The following GTF2H1 variants were observed in gnomAD, a reference collection of about 807,000 sequenced individuals.
GTF2H1 encodes general transcription factor IIH subunit 1, also known as BTF2 p62.
In GTF2H1, 16 loss-of-function variants were observed where a neutral mutation model predicts 71.2. That is an observed-to-expected ratio of 0.22 (90% CI 0.15 to 0.34). The LOEUF (loss-of-function observed/expected upper bound fraction) is 0.34, where lower values mean the gene tolerates loss of function less well. Among genes scored for constraint, GTF2H1 ranks in the 10% least tolerant of loss-of-function variants. The pLI is 1.00. For synonymous variants in GTF2H1, 215 were observed against 219.0 expected (o/e 0.98, Z 0.16); for missense variants, 498 against 648.2 (o/e 0.77, Z 2.52).
At chr11:18,342,002 C>T (rs1865167862) in intron 7 of GTF2H1, 1 of 173,556 alleles carries the variant, frequency 5.8e-6, no homozygotes, top group East Asian at 1.8e-4. Flanking sequence ...CTTAAGCACT[C>T]TCATGACCCT....
intron 5 of GTF2H1, 23 bp downstream of exon 5, chr11:18,339,680 G>A (rs774396328): frequency 7.5e-7 from 1 of 1,338,176 alleles, no homozygotes; most frequent in East Asian, 2.3e-5. Flanking sequence ...AGTTCTTTCA[G>A]ATGGTTAAAA....
At position 18,347,955 on chromosome 11, in the gene GTF2H1, A is replaced by G. The variant is rs529107595; in HGVS notation, c.1053+36A>G. 1.4e-5 allele frequency: 19 copies of G among 1,326,194 alleles called. No individual in the cohort carries two copies. The South Asian group carries it at 1.6e-4, about 11-fold the overall frequency. The allele number at this position is 1,326,194 out of a possible 1,614,324, so 82.2% of individuals were successfully genotyped here. A position where few individuals can be genotyped will look rare whatever the true frequency, so the allele number is the denominator to read the frequency against. ...AAAAATATGAACCATTTGGGGCTCA[A>G]GTTTCTCCAAATACTTTATGTGACT... On this transcript the variant is annotated intron_variant, in intron 9 of 14. Coordinates refer to ENST00000265963, the MANE Select transcript of GTF2H1 (RefSeq NM_005316.4).
chr11:18,328,750 C>T (rs897749112), intron 1 of GTF2H1, among the ~76,000 whole-genome samples: 1 of 144,548 alleles, frequency 6.9e-6, no homozygotes, highest in Non-Finnish European at 1.5e-5. Context: ...CGCTTGAACC[C>T]GGGAGGCGGA....
intron 1 of GTF2H1, among the ~76,000 whole-genome samples, chr11:18,326,378 G>A (rs746443827): frequency 1.3e-5 from 2 of 151,994 alleles, no homozygotes; most frequent in Non-Finnish European, 2.9e-5. Context: ...AAAAATTAGC[G>A]AGGTGTGGTG....
intron 7 of GTF2H1, among the ~76,000 whole-genome samples, chr11:18,343,508 T>C (rs1161744822): frequency 6.6e-6 from 1 of 152,212 alleles, no homozygotes; most frequent in East Asian, 1.9e-4. Flanking sequence ...TATCACAGGC[T>C]ATGATCTATG....
At chr11:18,347,536 A>G (rs1451349248) in intron 7 of GTF2H1, 52 bp from the exon 8 acceptor site, 10 of 1,388,168 alleles carry the variant, frequency 7.2e-6, no homozygotes, top group Non-Finnish European at 7.7e-6. Flanking sequence ...GTGTCTTATA[A>G]TAAGAAAAGC....
chr11:18,358,618 A>G lies in GTF2H1; in HGVS notation c.1445A>G (p.Asn482Ser), dbSNP rs1865623312. Residue 482 changes from asparagine (N) to serine (S), a missense_variant, in exon 13 of 15, where the codon AAT (asparagine) becomes AGT (serine). Physicochemically the swap from Asn to Ser is conservative, Grantham distance 46. Around this residue, in one of 3 missense-constraint regions of GTF2H1, gnomAD observed 266 missense variants for 301.6 expected, o/e 0.88. Coordinates refer to ENST00000265963, the MANE Select transcript of GTF2H1 (RefSeq NM_005316.4). ...CATTTCTGGTCCTGCTTTCCTGTTA[A>G]TACGCCATTCCTAGAAGAAAAGGTT... ...LRHFWSCFPV[N>S]TPFLEEKVVK... The G allele has an allele frequency of 6.2e-7, 1 of 1,604,518 alleles. No individual in the cohort carries two copies. Among genetic ancestry groups the G allele is most frequent in the Non-Finnish European group, 8.5e-7 (1 of 1,171,378 alleles).
At chr11:18,353,885 T>C (rs1021806556) in intron 11 of GTF2H1, among the ~76,000 whole-genome samples, 2 of 152,340 alleles carry the variant, frequency 1.3e-5, no homozygotes, top group East Asian at 1.9e-4. Flanking sequence ...ACAGTACAAT[T>C]ATAGAATTAG....
At chr11:18,360,548 A>C in intron 13 of GTF2H1, 67 bp from the exon 14 acceptor site, 1 of 726,630 alleles carries the variant, frequency 1.4e-6, no homozygotes, top group Non-Finnish European at 2.3e-6. Context: ...TATGTAGAAG[A>C]TTGTTTTTCT....
rs148810124 is a variant in GTF2H1, at chr11:18,350,476, T to G, written c.1054-1405T>G. Among the ~76,000 whole-genome samples, 880 of 152,180 alleles carry G rather than the reference T, an allele frequency of 5.8e-3. 7 individuals are homozygous for G. The highest frequency in any genetic ancestry group is 0.027 in the Middle Eastern group (8 of 292). ...GTCAGGCTGAGTCTAGGTAAGGATG[T>G]GTTTCTCTGAGGTCAGATTTGTTCC... On this transcript the variant is annotated intron_variant, in intron 9 of 14. Coordinates refer to ENST00000265963, the MANE Select transcript of GTF2H1 (RefSeq NM_005316.4).
intron 2 of GTF2H1, 126 bp downstream of exon 2, chr11:18,333,354 G>C: frequency 1.5e-6 from 1 of 673,836 alleles, no homozygotes; most frequent in Non-Finnish European, 2.4e-6. Flanking sequence ...TACAAAATGG[G>C]GTCACTGAAT....
At chr11:18,331,110 C>T (rs1276655733) in intron 1 of GTF2H1, among the ~76,000 whole-genome samples, 4 of 152,144 alleles carry the variant, frequency 2.6e-5, no homozygotes, top group East Asian at 1.9e-4. Flanking sequence ...TACAATGTTG[C>T]GATCTCACCT....
intron 14 of GTF2H1, among the ~76,000 whole-genome samples, chr11:18,361,575 A>G (rs1865700202): frequency 2.0e-5 from 3 of 152,204 alleles, no homozygotes; most frequent in African/African-American, 7.2e-5. Flanking sequence ...AGGCTGAGAC[A>G]GGAGAATTGC....
At chr11:18,331,472 G>A (rs1011141845) in intron 1 of GTF2H1, among the ~76,000 whole-genome samples, 2 of 152,090 alleles carry the variant, frequency 1.3e-5, no homozygotes, top group Non-Finnish European at 2.9e-5. Flanking sequence ...TTCGAGACCA[G>A]CCTGACCAAC....
chr11:18,353,365 C>G lies in GTF2H1; in HGVS notation c.1260+919C>G, dbSNP rs527546688. On this transcript the variant is annotated intron_variant, in intron 11 of 14. Transcript: ENST00000265963. Reference sequence around the variant, plus strand: ...CCTGCAAAACTCTTTATAGTCTGGCCCCAGCCCACTACTCGAGTCTCATCT... The same window carrying G: ...CCTGCAAAACTCTTTATAGTCTGGCGCCAGCCCACTACTCGAGTCTCATCT... Among the ~76,000 whole-genome samples, 83 of 152,162 alleles carry G rather than the reference C, an allele frequency of 5.5e-4. 1 individual carries two copies. The highest frequency in any genetic ancestry group is 9.3e-4 in the Non-Finnish European group (63 of 68,042).
rs1261900516 is a variant in GTF2H1, at chr11:18,339,642, A to G, written c.592A>G (p.Arg198Gly). 3 of 1,587,298 alleles carry G rather than the reference A, an allele frequency of 1.9e-6. No individual in the cohort carries two copies. Among genetic ancestry groups the G allele is most frequent in the Non-Finnish European group, 2.6e-6 (3 of 1,155,574 alleles). Residue 198 changes from arginine to glycine, a missense_variant, in exon 5 of 15, where the codon AGG (arginine) becomes GGG (glycine). Around this residue, in one of 3 missense-constraint regions of GTF2H1, gnomAD observed 216 missense variants for 306.2 expected, o/e 0.71. Transcript: ENST00000265963. Reference sequence around the variant, plus strand: ...TTCTGATATCATTGAGTCCATATTTAGGACCTATCCAGCAGGTAAGAAGAA... The same window carrying G: ...TTCTGATATCATTGAGTCCATATTTGGGACCTATCCAGCAGGTAAGAAGAA... ...LTSDIIESIFRTYPAVKMKYA... is the reference protein window; with the variant it reads ...LTSDIIESIFGTYPAVKMKYA...
At chr11:18,355,756 C>T (rs939672299) in intron 11 of GTF2H1, among the ~76,000 whole-genome samples, 7 of 152,148 alleles carry the variant, frequency 4.6e-5, no homozygotes, top group African/African-American at 1.4e-4. Flanking sequence ...CTCAAGCGAT[C>T]CACCTGCCTC....
At chr11:18,342,999 G>A (rs893218821) in intron 7 of GTF2H1, among the ~76,000 whole-genome samples, 2 of 152,142 alleles carry the variant, frequency 1.3e-5, no homozygotes, top group Admixed American at 6.5e-5. Flanking sequence ...TCGGCTCACT[G>A]CAACCTCTAC....
chr11:18,359,835 C>G (rs1349960006), intron 13 of GTF2H1, among the ~76,000 whole-genome samples: 1 of 151,468 alleles, frequency 6.6e-6, no homozygotes, highest in African/African-American at 2.4e-5. Context: ...CTCAGCCTCT[C>G]TAGTAGCTGG....
Sources: allele counts gnomAD v4.1 joint callset (sites outside exome capture counted in the v4.1 genomes callset), GRCh38; gene constraint gnomAD v4.1.1; regional missense constraint gnomAD v4.1.1; transcripts MANE v1.5; gene names NCBI Gene and HGNC (gene_info 2026-07-23, HGNC 2026-07-21).